RFX6: variants seen among roughly 807,000 people sequenced by gnomAD.
The protein encoded by RFX6 is regulatory factor X6.
RFX6 carries 50 observed loss-of-function variants against 110.8 expected under a neutral mutation model. The observed-to-expected ratio is 0.45, with a 90% CI of 0.36 to 0.57. The LOEUF is 0.57. Among genes scored for constraint, RFX6 ranks in the 20% least tolerant of loss-of-function variants. RFX6 has a pLI of 0.00. For synonymous variants in RFX6, 383 were observed against 411.2 expected, an observed-to-expected ratio of 0.93 and a Z score of 0.83; for missense variants, 990 against 1,127.0, an observed-to-expected ratio of 0.88 and a Z score of 1.74.
At chr6:116,900,192 C>T (rs1725945277) in intron 6 of RFX6, among the ~76,000 whole-genome samples, 1 of 152,158 alleles carries the variant, frequency 6.6e-6, no homozygotes, top group African/African-American at 2.4e-5. Flanking sequence ...GGAAGATCTG[C>T]ACCAAGTCTT....
intron 7 of RFX6, among the ~76,000 whole-genome samples, chr6:116,913,652 A>G (rs541421297): frequency 2.2e-4 from 33 of 152,368 alleles, no homozygotes; most frequent in African/African-American, 7.9e-4. Flanking sequence ...AAATAAACAA[A>G]TTAAGTATTA....
intron 10 of RFX6, 51 bp from the exon 11 acceptor site, chr6:116,919,086 T>A: frequency 6.7e-7 from 1 of 1,493,754 alleles, no homozygotes; most frequent in Non-Finnish European, 9.3e-7. Context: ...AATATGATTG[T>A]TTAATGCATT....
intron 6 of RFX6, among the ~76,000 whole-genome samples, chr6:116,907,649 G>C (rs1469945532): frequency 6.6e-6 from 1 of 152,044 alleles, no homozygotes; most frequent in Non-Finnish European, 1.5e-5. Flanking sequence ...CCTAACATAT[G>C]GTCTATCCTG....
At chr6:116,922,996 A>G (rs1049778804) in intron 13 of RFX6, 111 bp from the exon 14 acceptor site, 11 of 760,406 alleles carry the variant, frequency 1.4e-5, no homozygotes, top group Non-Finnish European at 2.7e-5. Flanking sequence ...AATAAATGCC[A>G]TGCCATCTGT....
chr6:116,880,547 T>G lies in RFX6; in HGVS notation c.384T>G (p.Leu128=). 6.2e-7 allele frequency: 1 copy of G among 1,612,630 alleles called. No homozygotes were observed. The highest frequency in any genetic ancestry group is 8.5e-7 in the Non-Finnish European group (1 of 1,178,978). Residue 128 remains leucine, a synonymous_variant, in exon 3 of 19, where the codon CTT becomes CTG. Coordinates refer to ENST00000332958, the MANE Select transcript of RFX6 (RefSeq NM_173560.4). The part of the protein sequence containing the change: ...KKQTQLTLQW[L]EENYIVCEGV... Reference sequence around the variant, plus strand: ...AATTTTTGTTCCTTTTTCTTAGGCTTGAAGAGAATTACATTGTATGTGAAG... The same window carrying G: ...AATTTTTGTTCCTTTTTCTTAGGCTGGAAGAGAATTACATTGTATGTGAAG...
intron 6 of RFX6, among the ~76,000 whole-genome samples, chr6:116,906,178 C>T (rs936014245): frequency 6.6e-6 from 1 of 152,048 alleles, no homozygotes; most frequent in Non-Finnish European, 1.5e-5. Flanking sequence ...ATTATTTTAC[C>T]ATATATGTGA....
intron 6 of RFX6, among the ~76,000 whole-genome samples, chr6:116,903,886 G>A (rs1432470513): frequency 6.6e-6 from 1 of 151,566 alleles, no homozygotes; most frequent in East Asian, 1.9e-4. Context: ...AAACAATATT[G>A]ACGCAAACAA....
In RFX6 at chr6:116,877,666, C is replaced by T. The variant is rs1304334008; in HGVS notation, c.224-130C>T. The T allele has an allele frequency of 1.1e-5, 12 of 1,080,560 alleles. No individual in the cohort carries two copies. In the East Asian group the frequency reaches 2.8e-4, roughly 25 times the overall value. 66.9% of individuals were successfully genotyped at this position (1,080,560 alleles called of 1,614,324 possible). A position where few individuals can be genotyped will look rare whatever the true frequency, so the allele number is the denominator to read the frequency against. On this transcript the variant is annotated intron_variant, in intron 1 of 18. Coordinates refer to ENST00000332958, the MANE Select transcript of RFX6 (RefSeq NM_173560.4). ...TGTCAAGTAGAGACCTGACATTTTG[C>T]ATAGCCCCCCTTTCCTCCCCTCCGC...
rs1775819055 is a variant in RFX6 at position 116,928,930 on chromosome 6, C to A, written c.2570C>A (p.Thr857Lys). ...AGAAAACAGACCAGCTCGTTTTACA[C>A]AGACACATCATCTCCAGTTGCATGT... ...SGRKQTSSFY[T>K]DTSSPVACRT... The change falls in exon 18 of 19, where the codon ACA becomes AAA. Residue 857 changes from threonine (T) to lysine (K), a missense_variant. Thr to Lys is a moderately conservative substitution (Grantham distance 78, BLOSUM62 -1). Coordinates refer to ENST00000332958, the MANE Select transcript of RFX6 (RefSeq NM_173560.4). The A allele has an allele frequency of 6.2e-7, 1 of 1,613,288 alleles. No individual in the cohort carries two copies. The highest frequency in any genetic ancestry group is 1.7e-5 in the Admixed American group (1 of 60,012).
intron 6 of RFX6, among the ~76,000 whole-genome samples, chr6:116,910,145 C>T (rs1775319296): frequency 3.3e-5 from 5 of 151,886 alleles, no homozygotes; most frequent in Admixed American, 3.3e-4. Flanking sequence ...TCATTATTTC[C>T]CCAAACTTTT....
In RFX6 at chr6:116,916,016, G is replaced by A. The variant is rs112601012; in HGVS notation, c.789G>A (p.Thr263=). 7.7e-5 allele frequency: 124 copies of A among 1,607,474 alleles called. 1 individual carries two copies. In the Middle Eastern group the frequency reaches 1.0e-3, roughly 13 times the overall value. Residue 263 remains threonine (T), a synonymous_variant, in exon 8 of 19, where the codon ACG becomes ACA. Coordinates refer to ENST00000332958, the MANE Select transcript of RFX6 (RefSeq NM_173560.4). ...QGCISKDKVD[T]LIMMYKTHCQ... ...TTTCTTCCTTGAAATAGGTTGATAC[G>A]CTCATAATGATGTACAAAACTCACT...
chr6:116,921,929 C>A, intron 12 of RFX6, 113 bp from the exon 13 acceptor site: 2 of 664,500 alleles, frequency 3.0e-6, no homozygotes, highest in South Asian at 1.7e-5. Flanking sequence ...CTGTCTTTCC[C>A]TTTCATGCTA....
At chr6:116,897,445 T>C (rs1388353116) in intron 6 of RFX6, among the ~76,000 whole-genome samples, 2 of 152,064 alleles carry the variant, frequency 1.3e-5, no homozygotes, top group Non-Finnish European at 2.9e-5. Context: ...AGGTGTATCA[T>C]GTTGTAGAAA....
intron 6 of RFX6, among the ~76,000 whole-genome samples, chr6:116,899,856 T>C (rs1421104813): frequency 2.0e-5 from 3 of 152,130 alleles, no homozygotes; most frequent in Non-Finnish European, 4.4e-5. Flanking sequence ...AAAAGCATCA[T>C]ATGCAAAATT....
At chr6:116,913,100 C>G (rs1481498059) in intron 7 of RFX6, among the ~76,000 whole-genome samples, 1 of 152,164 alleles carries the variant, frequency 6.6e-6, no homozygotes, top group East Asian at 1.9e-4. Flanking sequence ...GACCCTCCCT[C>G]TGTTGCCCAG....
In RFX6 at chr6:116,931,501, A is replaced by G. The variant is rs780486589; in HGVS notation, c.2782A>G (p.Thr928Ala). 1 of 1,612,104 alleles carries G rather than the reference A, an allele frequency of 6.2e-7. No homozygotes were observed. The highest frequency in any genetic ancestry group is 8.5e-7 in the Non-Finnish European group (1 of 1,178,516). ...TVFMGTAAGG[T>A] is the part of the protein sequence containing the mutation. Reference sequence around the variant, plus strand: ...GTTCATGGGAACAGCAGCTGGAGGCACTTAAACCACCAATGTGGGAGGGGG... The same window carrying G: ...GTTCATGGGAACAGCAGCTGGAGGCGCTTAAACCACCAATGTGGGAGGGGG... The change falls in exon 19 of 19, where the codon ACT (threonine) becomes GCT (alanine). Residue 928 changes from threonine to alanine, a missense_variant. Thr to Ala is a moderately conservative substitution (Grantham distance 58). Coordinates refer to ENST00000332958, the MANE Select transcript of RFX6 (RefSeq NM_173560.4).
intron 16 of RFX6, 79 bp from the exon 17 acceptor site, chr6:116,926,948 T>G: frequency 7.7e-7 from 1 of 1,301,204 alleles, no homozygotes. Context: ...CATTAATAAA[T>G]CTTTTGAATA....
At chr6:116,902,937 C>T (rs1775106855) in intron 6 of RFX6, among the ~76,000 whole-genome samples, 1 of 151,948 alleles carries the variant, frequency 6.6e-6, no homozygotes, top group Non-Finnish European at 1.5e-5. Context: ...ATATTTGTTT[C>T]TTTTCTGTAG....
In RFX6 at chr6:116,910,918, AT is replaced by A; in HGVS notation, c.673-12del. 6.4e-7 allele frequency: 1 copy of A among 1,564,850 alleles called. No homozygotes were observed. The highest frequency in any genetic ancestry group is 2.2e-5 in the East Asian group (1 of 44,572). ...AGTTGATAATGATGTATTTGTTTTC[AT>A]TTTTCTAAATTATAGGGTGGCTTCA... On this transcript the variant is annotated splice_polypyrimidine_tract_variant and intron_variant, in intron 6 of 18. Coordinates refer to ENST00000332958, the MANE Select transcript of RFX6 (RefSeq NM_173560.4).
Sources: allele counts gnomAD v4.1 joint callset (sites outside exome capture counted in the v4.1 genomes callset), GRCh38; gene constraint gnomAD v4.1.1; transcripts MANE v1.5; gene names NCBI Gene and HGNC (gene_info 2026-07-23, HGNC 2026-07-21).